Variants in GRM7 observed in about 807,000 individuals in gnomAD.
The protein encoded by GRM7 is glutamate metabotropic receptor 7, also known as metabotropic glutamate receptor 7.
A neutral mutation model predicts 84.5 loss-of-function variants in GRM7; 35 were observed. That is an observed-to-expected ratio of 0.41 (90% CI 0.32 to 0.55). GRM7 has a LOEUF of 0.55. GRM7 is among the 20% of genes least tolerant of loss of function. GRM7 has a pLI of 0.19. For missense variants in GRM7, 1,003 were observed against 1,194.6 expected, an observed-to-expected ratio of 0.84 and a Z score of 2.36; for synonymous variants, 487 against 455.1, an observed-to-expected ratio of 1.07 and a Z score of -0.89.
chr3:7,379,207 T>C (rs1694483318), intron 4 of GRM7, among the ~76,000 whole-genome samples: 1 of 152,102 alleles, frequency 6.6e-6, no homozygotes, highest in South Asian at 2.1e-4. Flanking sequence ...CAAGTAGCTG[T>C]AACTATAGGC....
chr3:7,740,426 C>T lies in GRM7; in HGVS notation c.*20C>T. On this transcript the variant is annotated 3_prime_UTR_variant, in exon 10 of 10. Coordinates refer to ENST00000357716, the MANE Select transcript of GRM7 (RefSeq NM_000844.4). The stretch of plus-strand genomic sequence containing the variant: ...ATCTAACCTGTTCCATTCCATGGAA[C>T]CATGGAGGAGGAAGACCCTCAGTTA... The T allele has an allele frequency of 7.1e-7, 1 of 1,415,564 alleles. No individual in the cohort carries two copies. The highest frequency in any genetic ancestry group is 2.4e-5 in the East Asian group (1 of 41,194). The allele number at this position is 1,415,564 out of a possible 1,614,324, so 87.7% of individuals were successfully genotyped here.
At chr3:7,371,652 T>C (rs1470491843) in intron 4 of GRM7, among the ~76,000 whole-genome samples, 1 of 152,190 alleles carries the variant, frequency 6.6e-6, no homozygotes, top group Non-Finnish European at 1.5e-5. Context: ...AGCACTTTGC[T>C]CAGTCTCTTT....
chr3:7,403,212 T>C, intron 4 of GRM7: 2 of 444,548 alleles, frequency 4.5e-6, no homozygotes, highest in South Asian at 3.2e-5. Flanking sequence ...TGATTAATAA[T>C]TGATATGTGC....
chr3:7,596,177 A>C (rs573024834), intron 8 of GRM7, among the ~76,000 whole-genome samples: 1 of 152,164 alleles, frequency 6.6e-6, no homozygotes, highest in Non-Finnish European at 1.5e-5. Flanking sequence ...GGTACAAACA[A>C]AAGGGACAAA....
intron 1 of GRM7, among the ~76,000 whole-genome samples, chr3:7,046,001 T>C (rs745908936): frequency 6.6e-6 from 1 of 152,122 alleles, no homozygotes; most frequent in Admixed American, 6.6e-5. Flanking sequence ...TTATCTACAG[T>C]GTACAAGGGC....
At chr3:6,936,412 G>C (rs1291136313) in intron 1 of GRM7, among the ~76,000 whole-genome samples, 6 of 152,118 alleles carry the variant, frequency 3.9e-5, no homozygotes, top group African/African-American at 1.4e-4. Context: ...AAACTTCTGT[G>C]TTATCCAATG....
intron 2 of GRM7, among the ~76,000 whole-genome samples, chr3:7,185,490 T>G (rs1290318440): frequency 6.6e-6 from 1 of 152,200 alleles, no homozygotes; most frequent in Non-Finnish European, 1.5e-5. Context: ...GACCCCACTA[T>G]GTAGCTCTAT....
intron 1 of GRM7, among the ~76,000 whole-genome samples, chr3:6,948,704 G>T (rs1575053738): frequency 6.6e-6 from 1 of 152,144 alleles, no homozygotes; most frequent in Admixed American, 6.5e-5. Flanking sequence ...CTCTTTGTAG[G>T]TCACTAAGGA....
chr3:6,929,764 A>C (rs988038040), intron 1 of GRM7, among the ~76,000 whole-genome samples: 1 of 152,166 alleles, frequency 6.6e-6, no homozygotes, highest in Non-Finnish European at 1.5e-5. Flanking sequence ...AATTGATTAC[A>C]ATCCTAAGTG....
intron 1 of GRM7, among the ~76,000 whole-genome samples, chr3:7,063,863 A>C (rs1005471214): frequency 5.3e-5 from 8 of 151,654 alleles, no homozygotes; most frequent in Non-Finnish European, 1.0e-4. Context: ...GTCCAACAGA[A>C]GCTGTCCATA....
intron 7 of GRM7, among the ~76,000 whole-genome samples, chr3:7,576,010 G>T (rs1320307248): frequency 6.6e-6 from 1 of 152,176 alleles, no homozygotes; most frequent in African/African-American, 2.4e-5. Flanking sequence ...TTCCTATAAA[G>T]TTTAATTATG....
At chr3:6,931,536 C>T (rs537799378) in intron 1 of GRM7, among the ~76,000 whole-genome samples, 16 of 152,288 alleles carry the variant, frequency 1.1e-4, no homozygotes, top group African/African-American at 2.9e-4. Flanking sequence ...AAACTTCATG[C>T]ATTCTGTTCC....
intron 1 of GRM7, among the ~76,000 whole-genome samples, chr3:6,869,029 C>A (rs533629732): frequency 1.1e-4 from 17 of 152,228 alleles, no homozygotes; most frequent in African/African-American, 4.1e-4. Context: ...AAAATATTTC[C>A]ATTTTTAAAG....
At chr3:7,114,938 G>A (rs1692980972) in intron 1 of GRM7, among the ~76,000 whole-genome samples, 1 of 152,110 alleles carries the variant, frequency 6.6e-6, no homozygotes, top group Non-Finnish European at 1.5e-5. Context: ...ATCACCCCTT[G>A]CTCCTCTGCA....
rs189737097 is a variant in GRM7 at position 7,351,108 on chromosome 3, C to T, written c.1033+44456C>T. Among the ~76,000 whole-genome samples the T allele has an allele frequency of 8.5e-4, 130 of 152,130 alleles. No individual in the cohort carries two copies. In the Middle Eastern group the frequency reaches 0.01, roughly 12 times the overall value. On this transcript the variant is annotated intron_variant, in intron 4 of 9. Transcript: ENST00000357716. Reference sequence around the variant, plus strand: ...ATCCAGTCAGGTCTCACTCTGAAGCCAATGATATTTGTCTTCTCTCATAGA... The same window carrying T: ...ATCCAGTCAGGTCTCACTCTGAAGCTAATGATATTTGTCTTCTCTCATAGA...
chr3:6,982,034 T>G (rs958813130), intron 1 of GRM7, among the ~76,000 whole-genome samples: 1 of 152,036 alleles, frequency 6.6e-6, no homozygotes, highest in Non-Finnish European at 1.5e-5. Context: ...AGCAGAGACA[T>G]GGAATCAACC....
intron 1 of GRM7, among the ~76,000 whole-genome samples, chr3:6,955,689 A>C (rs1693010336): frequency 1.3e-5 from 2 of 151,984 alleles, no homozygotes; most frequent in Non-Finnish European, 2.9e-5. Context: ...CTAAAAATAC[A>C]AAATTTTTTG....
At chr3:7,022,171 AC>A (rs1056223930) in intron 1 of GRM7, among the ~76,000 whole-genome samples, 2 of 151,964 alleles carry the variant, frequency 1.3e-5, no homozygotes, top group Non-Finnish European at 2.9e-5. Flanking sequence ...TACAAAAAAT[AC>A]AAAAATTAGC....
intron 7 of GRM7, among the ~76,000 whole-genome samples, chr3:7,465,375 G>A (rs570521839): frequency 1.9e-4 from 29 of 152,214 alleles, no homozygotes; most frequent in Non-Finnish European, 4.1e-4. Flanking sequence ...ATGTCACCCT[G>A]TTGACACCTT....
Sources: allele counts gnomAD v4.1 joint callset (sites outside exome capture counted in the v4.1 genomes callset), GRCh38; gene constraint gnomAD v4.1.1; transcripts MANE v1.5; gene names NCBI Gene and HGNC (gene_info 2026-07-23, HGNC 2026-07-21).